TMEM26: variants seen among roughly 807,000 people sequenced by gnomAD.
TMEM26 encodes transmembrane protein 26.
TMEM26 carries 38 observed loss-of-function variants against 28.8 expected under a neutral mutation model. The ratio of observed to expected loss-of-function variants is 1.32; its 90% CI spans 1.02 to 1.73. TMEM26 has a LOEUF of 1.73. Ranked by LOEUF, TMEM26 falls within the 40% of genes most tolerant of loss-of-function variation. The pLI is 0.00. For missense variants in TMEM26, 518 were observed against 447.1 expected (o/e 1.16, Z -1.43); for synonymous variants, 227 against 182.9 (o/e 1.24, Z -1.95).
At chr10:61,431,045 A>C (rs1308207844) in intron 3 of TMEM26, among the ~76,000 whole-genome samples, 174 bp downstream of exon 3, 1 of 152,032 alleles carries the variant, frequency 6.6e-6, no homozygotes, top group Non-Finnish European at 1.5e-5. Context: ...ATACTTATGC[A>C]TATTAAATGT....
intron 1 of TMEM26, among the ~76,000 whole-genome samples, chr10:61,443,829 C>A (rs1338496318): frequency 3.9e-5 from 6 of 152,140 alleles, no homozygotes; most frequent in Admixed American, 3.9e-4. Flanking sequence ...AGCTTTATTA[C>A]AATTGAAGTT....
chr10:61,434,726 G>T (rs1184976541), intron 2 of TMEM26, among the ~76,000 whole-genome samples: 1 of 152,118 alleles, frequency 6.6e-6, no homozygotes, highest in Non-Finnish European at 1.5e-5. Context: ...CTACATTCTT[G>T]GTACTTGCTT....
At position 61,431,338 on chromosome 10, in the gene TMEM26, A is replaced by G; in HGVS notation, c.271-6T>C. ...TCAGCCTGGATACTGCAATACTAAG[A>G]ATGGGGTCAGGGAAGGCAATTATGG... is the stretch of plus-strand genomic sequence containing the variant. On this transcript the variant is annotated splice_polypyrimidine_tract_variant and splice_region_variant and intron_variant, in intron 2 of 5. Transcript: ENST00000399298. 1 of 1,611,370 alleles carries G rather than the reference A, an allele frequency of 6.2e-7. No individual in the cohort carries two copies. Among genetic ancestry groups the G allele is most frequent in the Non-Finnish European group, 8.5e-7 (1 of 1,177,886 alleles).
chr10:61,430,504 GAAGAAACAA>G (rs995930529), intron 3 of TMEM26, among the ~76,000 whole-genome samples: 1 of 149,276 alleles, frequency 6.7e-6, no homozygotes, highest in African/African-American at 2.5e-5. Flanking sequence ...GATTGGGATG[GAAGAAACAA>G]AACTGCCTCT....
At position 61,453,234 on chromosome 10, in the gene TMEM26, G is replaced by A. The variant is rs1840324427; in HGVS notation, c.-153C>T. ...TCACCCTCAGCGCCCGATGCCGGTAGAACTGGTGCGCGGCTCGCCCCTCCC... is the reference window on the plus strand; with the variant it reads ...TCACCCTCAGCGCCCGATGCCGGTAAAACTGGTGCGCGGCTCGCCCCTCCC... On this transcript the variant is annotated 5_prime_UTR_variant, in exon 1 of 6. Transcript: ENST00000399298. The A allele has an allele frequency of 4.0e-6, 3 of 757,578 alleles. No individual in the cohort carries two copies. Among genetic ancestry groups the A allele is most frequent in the East Asian group, 5.4e-5 (2 of 36,790 alleles). 46.9% of individuals were successfully genotyped at this position (757,578 alleles called of 1,614,324 possible).
At chr10:61,443,176 G>A (rs908939225) in intron 1 of TMEM26, among the ~76,000 whole-genome samples, 12 of 151,962 alleles carry the variant, frequency 7.9e-5, no homozygotes, top group Admixed American at 2.6e-4. Flanking sequence ...GATCAGGCCC[G>A]GTGCAGTGTG....
chr10:61,444,242 T>G (rs1289236222), intron 1 of TMEM26, among the ~76,000 whole-genome samples: 3 of 152,226 alleles, frequency 2.0e-5, no homozygotes. Context: ...TTTTCTATTT[T>G]TTATAAAACC....
At chr10:61,424,008 C>A (rs907558315) in intron 4 of TMEM26, among the ~76,000 whole-genome samples, 1 of 152,114 alleles carries the variant, frequency 6.6e-6, no homozygotes, top group African/African-American at 2.4e-5. Context: ...ATCTTTAATA[C>A]AGCAAGACAG....
At chr10:61,422,752 C>G (rs1047027412) in intron 4 of TMEM26, among the ~76,000 whole-genome samples, 1 of 151,762 alleles carries the variant, frequency 6.6e-6, no homozygotes, top group Non-Finnish European at 1.5e-5. Context: ...AAGTTTCCAT[C>G]TGAAGAAATT....
Position 61,412,800 on chromosome 10 carries a change from G to A in TMEM26, c.682+659C>T, listed in dbSNP as rs12569824. 2,280 of 297,390 alleles carry A rather than the reference G, an allele frequency of 7.7e-3. 66 individuals carry two copies. The highest frequency in any genetic ancestry group is 0.068 in the East Asian group (578 of 8,446). The allele number at this position is 297,390 out of a possible 1,614,324, so 18.4% of individuals were successfully genotyped here. On this transcript the variant is annotated intron_variant, in intron 5 of 5. Coordinates refer to ENST00000399298, the MANE Select transcript of TMEM26 (RefSeq NM_178505.8). Reference sequence around the variant, plus strand: ...TTTAATTAATTTCAATTTAAAGAGCGATGTGTGGTTGGTGGGTCCCCTGTT... The same window carrying A: ...TTTAATTAATTTCAATTTAAAGAGCAATGTGTGGTTGGTGGGTCCCCTGTT...
At chr10:61,437,303 G>A (rs116769746) in intron 1 of TMEM26, among the ~76,000 whole-genome samples, 73 of 152,210 alleles carry the variant, frequency 4.8e-4, no homozygotes, top group African/African-American at 1.7e-3. Flanking sequence ...AACCTGGAAG[G>A]GGAGACAATT....
intron 1 of TMEM26, among the ~76,000 whole-genome samples, chr10:61,445,812 T>C (rs1840171066): frequency 6.6e-6 from 1 of 152,102 alleles, no homozygotes; most frequent in Non-Finnish European, 1.5e-5. Context: ...AGAATAAACC[T>C]TGATGTAAAT....
At chr10:61,425,932 T>G (rs978937140) in intron 4 of TMEM26, among the ~76,000 whole-genome samples, 1 of 152,146 alleles carries the variant, frequency 6.6e-6, no homozygotes, top group South Asian at 2.1e-4. Context: ...GCCATTCCAC[T>G]CTTAGGTGTC....
chr10:61,410,272 A>C lies in TMEM26; in HGVS notation c.*50T>G. ...GAGGAGAAAAAGGATCCTCCCTGTA[A>C]GAAGAACCAGGGAGTCAGGTTCTAG... On this transcript the variant is annotated 3_prime_UTR_variant, in exon 6 of 6. Coordinates refer to ENST00000399298, the MANE Select transcript of TMEM26 (RefSeq NM_178505.8). The C allele has an allele frequency of 1.3e-6, 2 of 1,515,672 alleles. No individual in the cohort carries two copies. Among genetic ancestry groups the C allele is most frequent in the Non-Finnish European group, 1.8e-6 (2 of 1,123,298 alleles). 93.9% of individuals were successfully genotyped at this position (1,515,672 alleles called of 1,614,324 possible). A position where few individuals can be genotyped will look rare whatever the true frequency, so the allele number is the denominator to read the frequency against.
chr10:61,414,316 G>A (rs1839616215), intron 4 of TMEM26: 1 of 152,494 alleles, frequency 6.6e-6, no homozygotes, highest in Non-Finnish European at 1.5e-5. Flanking sequence ...AGCAAAGATA[G>A]AAAGGAAGTC....
intron 4 of TMEM26, chr10:61,416,264 GGCAGTAGAAA>G: frequency 2.7e-6 from 1 of 363,864 alleles, no homozygotes; most frequent in African/African-American, 2.1e-5. Flanking sequence ...TTGCCTGCAA[GGCAGTAGAAA>G]GCAGTGGCAA....
intron 1 of TMEM26, among the ~76,000 whole-genome samples, chr10:61,438,210 T>C (rs1840039107): frequency 6.6e-6 from 1 of 152,160 alleles, no homozygotes; most frequent in Admixed American, 6.6e-5. Context: ...CAAAAGGTTA[T>C]GGGTCATGAT....
intron 2 of TMEM26, among the ~76,000 whole-genome samples, chr10:61,433,498 T>G (rs938125028): frequency 2.6e-5 from 4 of 152,174 alleles, no homozygotes; most frequent in African/African-American, 9.6e-5. Context: ...GACAACAAGA[T>G]GACCAGAATA....
chr10:61,413,720 T>C (rs1229146974), intron 4 of TMEM26, 185 bp from the exon 5 acceptor site: 13 of 1,298,146 alleles, frequency 1.0e-5, no homozygotes, highest in Non-Finnish European at 6.8e-6. Context: ...AAGTGAAAAA[T>C]AAATAATCTG....
Sources: allele counts gnomAD v4.1 joint callset (sites outside exome capture counted in the v4.1 genomes callset), GRCh38; gene constraint gnomAD v4.1.1; transcripts MANE v1.5; gene names NCBI Gene and HGNC (gene_info 2026-07-23, HGNC 2026-07-21).